Variants in GCNT1 observed in about 807,000 individuals in gnomAD.
GCNT1 encodes the protein glucosaminyl (N-acetyl) transferase 1.
GCNT1 carries 16 observed loss-of-function variants against 26.2 expected under a neutral mutation model. The ratio of observed to expected loss-of-function variants is 0.61; its 90% CI spans 0.41 to 0.93. The LOEUF (loss-of-function observed/expected upper bound fraction) is 0.93. Among genes scored for constraint, GCNT1 ranks in the 40% least tolerant of loss-of-function variants. GCNT1 has a pLI of 0.00. For missense variants in GCNT1, 477 were observed against 526.7 expected, an observed-to-expected ratio of 0.91 and a Z score of 0.92; for synonymous variants, 183 against 190.8, an observed-to-expected ratio of 0.96 and a Z score of 0.34.
intron 2 of GCNT1, among the ~76,000 whole-genome samples, chr9:76,478,451 A>G (rs34286732): frequency 0.031 from 4,663 of 152,246 alleles, 88 homozygotes; most frequent in Non-Finnish European, 0.047. Context: ...ACACATCTGA[A>G]CATCTGAAGG....
At chr9:76,423,088 T>C (rs2131572004) in intron 1 of GCNT1, among the ~76,000 whole-genome samples, 1 of 152,352 alleles carries the variant, frequency 6.6e-6, no homozygotes, top group South Asian at 2.1e-4. Context: ...TAGCAGGACA[T>C]AACCCCATTG....
At chr9:76,460,547 G>C (rs1159031774) in intron 2 of GCNT1, among the ~76,000 whole-genome samples, 1 of 152,170 alleles carries the variant, frequency 6.6e-6, no homozygotes, top group African/African-American at 2.4e-5. Context: ...AGGAGCTTAG[G>C]CAATTCCAGG....
chr9:76,396,868 C>T, the GCNT1 span, among the ~76,000 whole-genome samples: 1 of 152,138 alleles, frequency 6.6e-6, no homozygotes, highest in African/African-American at 2.4e-5. Context: ...GTGCCTATAG[C>T]CCCAGCTACT....
chr9:76,401,511 A>G, the GCNT1 span, among the ~76,000 whole-genome samples: 1 of 152,220 alleles, frequency 6.6e-6, no homozygotes, highest in South Asian at 2.1e-4. Context: ...AATTTACTCA[A>G]TAAGAACACA....
chr9:76,447,102 C>T (rs1823588904), intron 1 of GCNT1, among the ~76,000 whole-genome samples: 1 of 120,346 alleles, frequency 8.3e-6, no homozygotes, highest in Non-Finnish European at 1.6e-5. Context: ...CTGCAGTGAG[C>T]TGGGAGCGTG....
At position 76,503,431 on chromosome 9, in the gene GCNT1, T is replaced by G; in HGVS notation, c.1050T>G (p.Val350=). The G allele has an allele frequency of 6.2e-7, 1 of 1,614,186 alleles. No homozygotes were observed. The highest frequency in any genetic ancestry group is 8.5e-7 in the Non-Finnish European group (1 of 1,180,024). ...ATGATCTGTCTGACATGCAAGCAGT[T>G]GCCAGGTTTGTCAAGTGGCAGTACT... ...HKYDLSDMQA[V]ARFVKWQYFE... The change falls in exon 4 of 4, where the codon GTT becomes GTG. Residue 350 remains valine (V), a synonymous_variant. Coordinates refer to ENST00000376730, the MANE Select transcript of GCNT1 (RefSeq NM_001490.5).
chr9:76,453,912 A>T (rs1823710909), intron 1 of GCNT1, among the ~76,000 whole-genome samples: 1 of 152,118 alleles, frequency 6.6e-6, no homozygotes, highest in Non-Finnish European at 1.5e-5. Flanking sequence ...CCAAATCCAG[A>T]TCTAGGTAAG....
intron 1 of GCNT1, chr9:76,420,556 C>A (rs1587402429): frequency 6.6e-6 from 1 of 152,206 alleles, no homozygotes; most frequent in Admixed American, 6.6e-5. Flanking sequence ...ATTGCAGGCA[C>A]AAGCCACCAC....
intron 1 of GCNT1, among the ~76,000 whole-genome samples, chr9:76,425,778 G>C (rs1048526253): frequency 6.6e-6 from 1 of 152,148 alleles, no homozygotes; most frequent in Non-Finnish European, 1.5e-5. Context: ...GTCAGGGCCG[G>C]TGAGTCAAGA....
At chr9:76,434,509 T>A (rs1477415959) in intron 1 of GCNT1, among the ~76,000 whole-genome samples, 1 of 152,232 alleles carries the variant, frequency 6.6e-6, no homozygotes, top group African/African-American at 2.4e-5. Context: ...GTATGTCACC[T>A]CAGGACCCTG....
At chr9:76,451,708 C>T (rs991590892) in intron 1 of GCNT1, among the ~76,000 whole-genome samples, 1 of 152,148 alleles carries the variant, frequency 6.6e-6, no homozygotes, top group Non-Finnish European at 1.5e-5. Context: ...TTTGGACTTC[C>T]AGCCTCCAGA....
At position 76,501,134 on chromosome 9, in the gene GCNT1, T is replaced by G. The variant is rs574497813; in HGVS notation, c.-144+73T>G. The G allele has an allele frequency of 6.6e-5, 10 of 152,360 alleles. No homozygotes were observed. The East Asian group carries it at 1.9e-3, about 29-fold the overall frequency. 9.4% of individuals were successfully genotyped at this position (152,360 alleles called of 1,614,324 possible). A position where few individuals can be genotyped will look rare whatever the true frequency, so the allele number is the denominator to read the frequency against. ...GTCAGTTATTCATTTTTATTTGTAT[T>G]ATTACTATTCACAACTCATTTCCTA... On this transcript the variant is annotated intron_variant, in intron 3 of 3. Coordinates refer to ENST00000376730, the MANE Select transcript of GCNT1 (RefSeq NM_001490.5).
At chr9:76,468,300 C>G (rs1372574721) in intron 2 of GCNT1, among the ~76,000 whole-genome samples, 2 of 152,170 alleles carry the variant, frequency 1.3e-5, no homozygotes, top group African/African-American at 4.8e-5. Flanking sequence ...GGCCATCAAG[C>G]ATACTGTGAG....
At chr9:76,395,261 A>G in the GCNT1 span, among the ~76,000 whole-genome samples, 1 of 152,180 alleles carries the variant, frequency 6.6e-6, no homozygotes, top group Non-Finnish European at 1.5e-5. Flanking sequence ...CGTCTCGAAG[A>G]CAAAGAAGTT....
intron 2 of GCNT1, among the ~76,000 whole-genome samples, chr9:76,466,377 C>T (rs1823994733): frequency 6.6e-6 from 1 of 152,234 alleles, no homozygotes; most frequent in Non-Finnish European, 1.5e-5. Flanking sequence ...TCTTAGCTCA[C>T]TGCAACCTCC....
At position 76,506,919 on chromosome 9, in the gene GCNT1, T is replaced by C; in HGVS notation, c.*3251T>C. 1 of 167,190 alleles carries C rather than the reference T, an allele frequency of 6.0e-6. No homozygotes were observed. 10.4% of individuals were successfully genotyped at this position (167,190 alleles called of 1,614,324 possible). On this transcript the variant is annotated 3_prime_UTR_variant, in exon 4 of 4. Transcript: ENST00000376730. ...AGAAAAATAAAAATAATTTCTCATA[T>C]TAAATACAGACGCTCCTCAACTTAT...
intron 2 of GCNT1, among the ~76,000 whole-genome samples, chr9:76,473,316 T>C (rs1824180822): frequency 6.6e-6 from 1 of 152,216 alleles, no homozygotes; most frequent in East Asian, 1.9e-4. Context: ...TTATTTATGT[T>C]TGTATTTTTC....
chr9:76,431,502 C>G (rs1242305691), intron 1 of GCNT1, among the ~76,000 whole-genome samples: 3 of 152,276 alleles, frequency 2.0e-5, no homozygotes, highest in Non-Finnish European at 4.4e-5. Context: ...TTGCTCTCTC[C>G]TCTTGAAATC....
At chr9:76,445,152 C>T (rs1823554454) in intron 1 of GCNT1, among the ~76,000 whole-genome samples, 1 of 152,026 alleles carries the variant, frequency 6.6e-6, no homozygotes, top group South Asian at 2.1e-4. Context: ...AGGAACGATT[C>T]TGTGGAGAGA....
Sources: allele counts gnomAD v4.1 joint callset (sites outside exome capture counted in the v4.1 genomes callset), GRCh38; gene constraint gnomAD v4.1.1; transcripts MANE v1.5; gene names NCBI Gene and HGNC (gene_info 2026-07-23, HGNC 2026-07-21).